The following NRG3 variants were observed in gnomAD, a reference collection of about 807,000 sequenced individuals.
NRG3 encodes the protein neuregulin 3.
NRG3 carries 31 observed loss-of-function variants against 66.9 expected under a neutral mutation model. The observed-to-expected ratio is 0.46, with a 90% CI of 0.35 to 0.63. NRG3 has a LOEUF of 0.63. Among genes scored for constraint, NRG3 ranks in the 20% least tolerant of loss-of-function variants. The probability of loss-of-function intolerance (pLI) is 0.00; values close to 1 mark genes in which losing one functional copy is unlikely to be tolerated. For synonymous variants in NRG3, 393 were observed against 359.4 expected (o/e 1.09, Z -1.06); for missense variants, 910 against 878.9 (o/e 1.04, Z -0.45).
chr10:82,349,129 A>G (rs1467445787), intron 1 of NRG3, among the ~76,000 whole-genome samples: 2 of 151,928 alleles, frequency 1.3e-5, no homozygotes, highest in Non-Finnish European at 2.9e-5. Context: ...CCTTTGGAGG[A>G]GGAGAGGCGC....
chr10:82,663,369 CA>C (rs1398761289), intron 2 of NRG3, among the ~76,000 whole-genome samples: 3 of 152,126 alleles, frequency 2.0e-5, no homozygotes, highest in African/African-American at 7.2e-5. Flanking sequence ...TTGTATGAGA[CA>C]AACAAAAGCA....
chr10:82,307,941 A>G (rs2080831870), intron 1 of NRG3, among the ~76,000 whole-genome samples: 1 of 151,806 alleles, frequency 6.6e-6, no homozygotes. Context: ...ATGAATTCTT[A>G]GCTAAACATT....
intron 1 of NRG3, among the ~76,000 whole-genome samples, chr10:82,288,293 G>A (rs1441054040): frequency 1.3e-5 from 2 of 152,100 alleles, no homozygotes; most frequent in Non-Finnish European, 2.9e-5. Flanking sequence ...CTCCTGAGTG[G>A]CTATTATAAT....
rs59459683 is a variant in NRG3, at chr10:82,548,523, T to TCACACA, written c.953+189687_953+189692dup. On this transcript the variant is annotated intron_variant, in intron 2 of 8. Coordinates refer to ENST00000372141, the MANE Select transcript of NRG3 (RefSeq NM_001010848.4). ...AAAATACACAAATACATTCTGTCTC[T>TCACACA]CACACACACACACACACACACACAC... is the stretch of plus-strand genomic sequence containing the variant. Among the ~76,000 whole-genome samples the TCACACA allele has an allele frequency of 2.6e-3, 365 of 139,564 alleles. 1 individual carries two copies. The highest frequency in any genetic ancestry group is 4.1e-3 in the Non-Finnish European group (259 of 62,644). 91.6% of individuals were successfully genotyped at this position (139,564 alleles called of 152,430 possible). A position where few individuals can be genotyped will look rare whatever the true frequency, so the allele number is the denominator to read the frequency against.
intron 1 of NRG3, among the ~76,000 whole-genome samples, chr10:82,318,200 G>A (rs1426077052): frequency 1.3e-5 from 2 of 151,996 alleles, no homozygotes; most frequent in Non-Finnish European, 2.9e-5. Context: ...TTTGGGTGGG[G>A]TGGGGGCATA....
intron 3 of NRG3, among the ~76,000 whole-genome samples, chr10:82,802,987 A>T (rs1299233614): frequency 6.6e-6 from 1 of 152,092 alleles, no homozygotes; most frequent in Admixed American, 6.6e-5. Context: ...TAGGTTCCTT[A>T]TTTTGTGATT....
At chr10:82,535,847 C>A (rs1847757655) in intron 2 of NRG3, among the ~76,000 whole-genome samples, 1 of 151,736 alleles carries the variant, frequency 6.6e-6, no homozygotes, top group African/African-American at 2.4e-5. Context: ...CGTCTCTTTG[C>A]CTAAATTAAA....
intron 2 of NRG3, among the ~76,000 whole-genome samples, chr10:82,621,173 T>G (rs1233682266): frequency 6.6e-6 from 1 of 152,168 alleles, no homozygotes; most frequent in Admixed American, 6.5e-5. Context: ...TTGCGGAACT[T>G]GAAGTATTGT....
intron 1 of NRG3, among the ~76,000 whole-genome samples, chr10:81,920,290 A>G (rs1045441988): frequency 6.6e-5 from 10 of 152,144 alleles, no homozygotes; most frequent in African/African-American, 1.9e-4. Context: ...CCTCACCCTT[A>G]GCACCCTGCA....
intron 2 of NRG3, among the ~76,000 whole-genome samples, chr10:82,566,924 T>C (rs963978530): frequency 7.9e-5 from 12 of 152,096 alleles, no homozygotes; most frequent in African/African-American, 1.9e-4. Context: ...AATTCCAAAG[T>C]TGTAGTGTCC....
chr10:82,201,281 C>T (rs1268271194), intron 1 of NRG3, among the ~76,000 whole-genome samples: 1 of 151,438 alleles, frequency 6.6e-6, no homozygotes, highest in Non-Finnish European at 1.5e-5. Flanking sequence ...GCCTGGACTC[C>T]ATGGCCAGAG....
At chr10:82,041,758 T>G (rs2133018631) in intron 1 of NRG3, among the ~76,000 whole-genome samples, 1 of 151,964 alleles carries the variant, frequency 6.6e-6, no homozygotes, top group African/African-American at 2.4e-5. Context: ...CCTTCCTTCC[T>G]TCTTTCCTTC....
intron 1 of NRG3, among the ~76,000 whole-genome samples, chr10:82,057,415 T>C (rs555253061): frequency 1.1e-4 from 16 of 152,286 alleles, no homozygotes; most frequent in African/African-American, 3.6e-4. Context: ...TTTAATTCTG[T>C]GGTATGTTGG....
chr10:82,234,694 G>A (rs955930923), intron 1 of NRG3, among the ~76,000 whole-genome samples: 1 of 152,188 alleles, frequency 6.6e-6, no homozygotes. Flanking sequence ...CTACAGCAGG[G>A]ACAGCATCGT....
intron 1 of NRG3, among the ~76,000 whole-genome samples, chr10:81,977,378 A>G (rs1448670328): frequency 1.3e-5 from 2 of 152,198 alleles, no homozygotes; most frequent in East Asian, 3.9e-4. Context: ...TTCTTTAAAA[A>G]TATTCACCAA....
intron 1 of NRG3, among the ~76,000 whole-genome samples, chr10:82,355,629 T>TA (rs1172509749): frequency 1.3e-5 from 2 of 152,192 alleles, no homozygotes; most frequent in Non-Finnish European, 2.9e-5. Context: ...TAGGTGGTCT[T>TA]AGAGTTAGCG....
intron 4 of NRG3, among the ~76,000 whole-genome samples, chr10:82,896,163 A>C (rs1843645344): frequency 6.6e-6 from 1 of 152,228 alleles, no homozygotes; most frequent in South Asian, 2.1e-4. Flanking sequence ...GAAAAGAATG[A>C]GGCTGACATT....
At chr10:82,150,526 C>CAAAAAAAAAA (rs2070637635) in intron 1 of NRG3, among the ~76,000 whole-genome samples, 3 of 17,148 alleles carry the variant, frequency 1.7e-4, no homozygotes, top group African/African-American at 4.5e-4. Flanking sequence ...AAAAAGAGCA[C>CAAAAAAAAAA]ACACAAAAAA....
intron 2 of NRG3, among the ~76,000 whole-genome samples, chr10:82,574,258 T>C (rs2045909689): frequency 6.6e-6 from 1 of 151,696 alleles, no homozygotes; most frequent in Non-Finnish European, 1.5e-5. Flanking sequence ...CTGGAGGTCA[T>C]ATAATGTCAA....
Sources: gnomAD v4.1 joint callset for allele counts (sites outside exome capture counted in the v4.1 genomes callset) on GRCh38, gnomAD v4.1.1 for gene constraint, MANE v1.5 for transcripts, NCBI Gene and HGNC (gene_info 2026-07-23, HGNC 2026-07-21) for gene names.